Variants in SHISA9 observed in about 807,000 individuals in gnomAD.
The protein encoded by SHISA9 is shisa family member 9.
SHISA9 carries 13 observed loss-of-function variants against 38.0 expected under a neutral mutation model. The ratio of observed to expected loss-of-function variants is 0.34; its 90% CI spans 0.22 to 0.54. The LOEUF (loss-of-function observed/expected upper bound fraction) is 0.54. Among genes scored for constraint, SHISA9 ranks in the 20% least tolerant of loss-of-function variants. The pLI, the probability that SHISA9 is intolerant of heterozygous loss-of-function variation, is 0.91. For synonymous variants in SHISA9, 275 were observed against 242.0 expected, an observed-to-expected ratio of 1.14 and a Z score of -1.27; for missense variants, 538 against 575.8, an observed-to-expected ratio of 0.93 and a Z score of 0.67.
chr16:12,949,254 G>A (rs1324367610), intron 2 of SHISA9, among the ~76,000 whole-genome samples: 3 of 152,224 alleles, frequency 2.0e-5, no homozygotes, highest in Non-Finnish European at 2.9e-5. Flanking sequence ...AAGCAAGTGA[G>A]TCAAGAACGA....
At chr16:13,153,817 C>T (rs1279922619) in intron 2 of SHISA9, among the ~76,000 whole-genome samples, 1 of 152,164 alleles carries the variant, frequency 6.6e-6, no homozygotes, top group Non-Finnish European at 1.5e-5. Context: ...TTTGGGAACG[C>T]AGCATCTCTG....
the SHISA9 span, among the ~76,000 whole-genome samples, chr16:13,467,675 T>C: frequency 6.6e-6 from 1 of 152,354 alleles, no homozygotes; most frequent in East Asian, 1.9e-4. Context: ...ATTTAGAGAA[T>C]GGATCTCTAA....
At chr16:13,085,535 T>C (rs1384079197) in intron 2 of SHISA9, among the ~76,000 whole-genome samples, 1 of 152,248 alleles carries the variant, frequency 6.6e-6, no homozygotes, top group East Asian at 1.9e-4. Context: ...AGAAAAACTC[T>C]GTTGACATAT....
chr16:13,112,180 G>T (rs2073985332), intron 2 of SHISA9, among the ~76,000 whole-genome samples: 1 of 152,124 alleles, frequency 6.6e-6, no homozygotes, highest in Admixed American at 6.6e-5. Flanking sequence ...AAAGGCCTGA[G>T]GACTTGTGTC....
At chr16:13,173,191 T>C (rs1481269570) in intron 2 of SHISA9, among the ~76,000 whole-genome samples, 2 of 148,132 alleles carry the variant, frequency 1.4e-5, no homozygotes, top group Non-Finnish European at 3.0e-5. Context: ...TCATTCTCAC[T>C]CATTTACCAA....
At chr16:13,536,839 G>A in the SHISA9 span, among the ~76,000 whole-genome samples, 3 of 152,230 alleles carry the variant, frequency 2.0e-5, no homozygotes, top group South Asian at 2.1e-4. Context: ...TTCTGGGGTC[G>A]TTGAGAAGTT....
the SHISA9 span, among the ~76,000 whole-genome samples, chr16:13,322,669 C>G: frequency 2.0e-5 from 3 of 152,196 alleles, no homozygotes; most frequent in Non-Finnish European, 4.4e-5. Flanking sequence ...AGATGCGCTT[C>G]CCTCACCCAC....
chr16:13,322,665 G>T, the SHISA9 span, among the ~76,000 whole-genome samples: 1 of 152,148 alleles, frequency 6.6e-6, no homozygotes, highest in South Asian at 2.1e-4. Context: ...CTGCAGATGC[G>T]CTTCCCTCAC....
At chr16:13,216,257 C>G (rs2051168047) in intron 4 of SHISA9, among the ~76,000 whole-genome samples, 1 of 150,970 alleles carries the variant, frequency 6.6e-6, no homozygotes, top group Non-Finnish European at 1.5e-5. Context: ...TATATGGGTT[C>G]CAATACAGGC....
At chr16:13,229,711 A>G (rs1221651054) in intron 4 of SHISA9, among the ~76,000 whole-genome samples, 1 of 152,144 alleles carries the variant, frequency 6.6e-6, no homozygotes, top group East Asian at 1.9e-4. Context: ...CTCTCAAAGA[A>G]CTCGTGGTCT....
chr16:12,931,780 G>A (rs548410045), intron 2 of SHISA9, among the ~76,000 whole-genome samples: 1 of 152,116 alleles, frequency 6.6e-6, no homozygotes, highest in Non-Finnish European at 1.5e-5. Flanking sequence ...TCATGGGATT[G>A]CTAGGTCAGA....
rs113608898 is a variant in SHISA9 at position 13,186,288 on chromosome 16, C to CTTTTT, written c.692-17083_692-17079dup. On this transcript the variant is annotated intron_variant, in intron 2 of 4. Transcript: ENST00000558583. ...ATAACATGAAATTTACCATCTTAAC[C>CTTTTT]TTTTTTTTTTTTTTTTTTTTTTTTT... Among the ~76,000 whole-genome samples the CTTTTT allele has an allele frequency of 8.6e-5, 9 of 104,308 alleles. 1 individual carries two copies. The highest frequency in any genetic ancestry group is 1.6e-4 in the African/African-American group (4 of 25,582). The allele number at this position is 104,308 out of a possible 152,430, so 68.4% of individuals were successfully genotyped here.
At chr16:12,993,714 T>C (rs2072419999) in intron 2 of SHISA9, among the ~76,000 whole-genome samples, 1 of 152,236 alleles carries the variant, frequency 6.6e-6, no homozygotes. Flanking sequence ...AATTTCAATC[T>C]GTAGTAAACA....
At chr16:12,913,750 T>C (rs75790573) in intron 1 of SHISA9, among the ~76,000 whole-genome samples, 4,618 of 152,316 alleles carry the variant, frequency 0.03, 91 homozygotes, top group East Asian at 0.1. Context: ...TGGATATCAA[T>C]GGAATCATAC....
chr16:13,107,090 C>T (rs747040003), intron 2 of SHISA9, among the ~76,000 whole-genome samples: 10 of 151,614 alleles, frequency 6.6e-5, no homozygotes, highest in Admixed American at 2.6e-4. Flanking sequence ...GTGAGCTTTG[C>T]GTTTATTCCC....
intron 2 of SHISA9, among the ~76,000 whole-genome samples, chr16:13,001,376 A>G (rs940899048): frequency 1.3e-5 from 2 of 151,422 alleles, no homozygotes; most frequent in African/African-American, 4.9e-5. Context: ...CTGACTAAGG[A>G]TCGGGGGGCC....
chr16:13,299,490 G>A, the SHISA9 span, among the ~76,000 whole-genome samples: 1 of 152,136 alleles, frequency 6.6e-6, no homozygotes, highest in African/African-American at 2.4e-5. Context: ...GAGGTGGGCG[G>A]ATCACCTGAG....
chr16:13,509,648 T>G, the SHISA9 span, among the ~76,000 whole-genome samples: 1 of 152,248 alleles, frequency 6.6e-6, no homozygotes, highest in East Asian at 1.9e-4. Context: ...AAACTATATT[T>G]TTAAAATTAT....
At chr16:13,497,574 A>C in the SHISA9 span, among the ~76,000 whole-genome samples, 19 of 151,760 alleles carry the variant, frequency 1.3e-4, no homozygotes, top group Non-Finnish European at 1.3e-4. Flanking sequence ...AGTCCCAGCT[A>C]CTCAGGAAAC....
Sources: gnomAD v4.1 joint callset for allele counts (sites outside exome capture counted in the v4.1 genomes callset) on GRCh38, gnomAD v4.1.1 for gene constraint, MANE v1.5 for transcripts, NCBI Gene and HGNC (gene_info 2026-07-23, HGNC 2026-07-21) for gene names.